Variants in CFAP221 observed in about 807,000 individuals in gnomAD.
The protein encoded by CFAP221 is cilia- and flagella-associated protein 221.
CFAP221 carries 97 observed loss-of-function variants against 113.1 expected under a neutral mutation model. That is an observed-to-expected ratio of 0.86 (90% CI 0.73 to 1.02). The LOEUF (loss-of-function observed/expected upper bound fraction) is 1.02. Among genes scored for constraint, CFAP221 ranks in the 50% least tolerant of loss-of-function variants. The pLI, the probability that CFAP221 is intolerant of heterozygous loss-of-function variation, is 0.00. For synonymous variants in CFAP221, 331 were observed against 354.4 expected, an observed-to-expected ratio of 0.93 and a Z score of 0.74; for missense variants, 1,025 against 1,013.4, an observed-to-expected ratio of 1.01 and a Z score of -0.16.
chr2:119,603,745 C>T (rs900772916), intron 8 of CFAP221, among the ~76,000 whole-genome samples: 12 of 152,066 alleles, frequency 7.9e-5, no homozygotes, highest in African/African-American at 1.4e-4. Context: ...TTTTCAAAAT[C>T]GTAACTTTGC....
At chr2:119,559,821 C>T (rs1242587766) in intron 4 of CFAP221, 46 bp downstream of exon 4, 53 of 1,482,272 alleles carry the variant, frequency 3.6e-5, no homozygotes, top group Middle Eastern at 1.7e-4. Context: ...TGGTTGTCTG[C>T]GTCTCAGGCC....
At chr2:119,556,833 T>C (rs1013350061) in intron 3 of CFAP221, among the ~76,000 whole-genome samples, 3 of 152,196 alleles carry the variant, frequency 2.0e-5, no homozygotes, top group African/African-American at 7.2e-5. Flanking sequence ...ATTACAGGTG[T>C]GAGCCACTGT....
chr2:119,605,436 T>C, intron 11 of CFAP221, 147 bp downstream of exon 11: 2 of 678,164 alleles, frequency 2.9e-6, no homozygotes, highest in Non-Finnish European at 5.1e-6. Flanking sequence ...GGTCCTTCAG[T>C]AGGAAGTTTC....
intron 7 of CFAP221, among the ~76,000 whole-genome samples, chr2:119,587,895 G>A (rs182040087): frequency 2.0e-5 from 3 of 152,298 alleles, no homozygotes; most frequent in Admixed American, 6.5e-5. Flanking sequence ...ACAAATGAGT[G>A]TTTAAAGCAG....
intron 3 of CFAP221, among the ~76,000 whole-genome samples, chr2:119,554,994 A>C (rs1680685409): frequency 6.6e-6 from 1 of 152,178 alleles, no homozygotes; most frequent in African/African-American, 2.4e-5. Flanking sequence ...AGGTTCTGCC[A>C]TTCCCTCTAG....
chr2:119,596,249 G>A (rs1327680863), intron 7 of CFAP221, among the ~76,000 whole-genome samples: 2 of 152,210 alleles, frequency 1.3e-5, no homozygotes, highest in Admixed American at 6.5e-5. Flanking sequence ...GAGATGGTGA[G>A]GGACAGATGA....
chr2:119,619,231 C>T (rs1455692944), intron 14 of CFAP221, among the ~76,000 whole-genome samples: 1 of 152,222 alleles, frequency 6.6e-6, no homozygotes, highest in Non-Finnish European at 1.5e-5. Flanking sequence ...AGTGCTCAAG[C>T]TCTGCTAAGG....
intron 23 of CFAP221, among the ~76,000 whole-genome samples, chr2:119,654,197 T>C (rs1296480772): frequency 6.6e-6 from 1 of 152,160 alleles, no homozygotes; most frequent in Non-Finnish European, 1.5e-5. Flanking sequence ...TGGCAGTTTC[T>C]GGTAAAAGAA....
chr2:119,585,401 T>C (rs1683142396), intron 6 of CFAP221, among the ~76,000 whole-genome samples: 1 of 152,140 alleles, frequency 6.6e-6, no homozygotes. Context: ...CAGATTTCAA[T>C]TTTCTCCGAA....
At position 119,647,065 on chromosome 2, in the gene CFAP221, T is replaced by C. The variant is rs767473832; in HGVS notation, c.2318+15T>C. 27 of 1,594,448 alleles carry C rather than the reference T, an allele frequency of 1.7e-5. No homozygotes were observed. Among genetic ancestry groups the C allele is most frequent in the South Asian group, 7.9e-5 (7 of 88,222 alleles). ...ACAGTAGAACGGTATTTTTTTTTTT[T>C]TTAATCTTTGGCCTCTAATGTGGTC... On this transcript the variant is annotated intron_variant, in intron 22 of 23. Coordinates refer to ENST00000413369, the MANE Select transcript of CFAP221 (RefSeq NM_001271049.2).
chr2:119,646,586 C>T (rs1687825884), intron 21 of CFAP221, among the ~76,000 whole-genome samples: 2 of 152,196 alleles, frequency 1.3e-5, no homozygotes, highest in Admixed American at 1.3e-4. Context: ...CCACCAGGCT[C>T]CACCTCCAAC....
At chr2:119,576,765 T>C (rs1682477260) in intron 6 of CFAP221, among the ~76,000 whole-genome samples, 1 of 152,242 alleles carries the variant, frequency 6.6e-6, no homozygotes, top group Non-Finnish European at 1.5e-5. Flanking sequence ...AAAAGAGCAT[T>C]ATTTGAAAGT....
Position 119,630,775 on chromosome 2 carries a change from C to T in CFAP221, c.1848C>T (p.Val616=). Residue 616 remains valine (V), a synonymous_variant, in exon 19 of 24, where the codon GTC becomes GTT. Transcript: ENST00000413369. The part of the protein sequence containing the change: ...RALKQGAEDE[V]TTITALPKQD... ...TCCTTGCTCCTTGTTAGGATGAAGTCACCACCATCACAGCCCTTCCGAAAC... is the reference window on the plus strand; with the variant it reads ...TCCTTGCTCCTTGTTAGGATGAAGTTACCACCATCACAGCCCTTCCGAAAC... 11 of 1,610,296 alleles carry T rather than the reference C, an allele frequency of 6.8e-6. No individual in the cohort carries two copies. The highest frequency in any genetic ancestry group is 9.3e-6 in the Non-Finnish European group (11 of 1,176,828).
At chr2:119,564,707 G>A (rs139263847) in intron 6 of CFAP221, among the ~76,000 whole-genome samples, 87 of 152,298 alleles carry the variant, frequency 5.7e-4, no homozygotes, top group African/African-American at 2.0e-3. Context: ...ATACACAGTT[G>A]TAGCTCACTG....
chr2:119,584,276 A>G (rs1214850516), intron 6 of CFAP221, among the ~76,000 whole-genome samples: 1 of 152,182 alleles, frequency 6.6e-6, no homozygotes, highest in Non-Finnish European at 1.5e-5. Flanking sequence ...CATATAATTA[A>G]CTAAATTAAT....
chr2:119,554,787 C>T (rs1680671140), intron 3 of CFAP221, among the ~76,000 whole-genome samples: 1 of 152,166 alleles, frequency 6.6e-6, no homozygotes. Context: ...AGAGTAAATG[C>T]ATGACCAAGA....
chr2:119,561,591 A>G (rs1681247558), intron 5 of CFAP221, among the ~76,000 whole-genome samples: 1 of 150,492 alleles, frequency 6.6e-6, no homozygotes, highest in South Asian at 2.1e-4. Flanking sequence ...TTAACGTCAT[A>G]TGAGACAAGA....
intron 7 of CFAP221, among the ~76,000 whole-genome samples, chr2:119,591,522 T>C (rs1683596788): frequency 6.6e-6 from 1 of 152,262 alleles, no homozygotes; most frequent in African/African-American, 2.4e-5. Context: ...TGCCAGGTGC[T>C]GTGCTAAGCA....
At chr2:119,549,524 A>G (rs1025242195) in intron 3 of CFAP221, among the ~76,000 whole-genome samples, 1 of 152,202 alleles carries the variant, frequency 6.6e-6, no homozygotes, top group Non-Finnish European at 1.5e-5. Flanking sequence ...CATTATATAT[A>G]TAGATGAGGA....
Sources: gnomAD v4.1 joint callset for allele counts (sites outside exome capture counted in the v4.1 genomes callset) on GRCh38, gnomAD v4.1.1 for gene constraint, MANE v1.5 for transcripts, NCBI Gene and HGNC (gene_info 2026-07-23, HGNC 2026-07-21) for gene names.